The following EML6 variants were observed in gnomAD, a reference collection of about 807,000 sequenced individuals.
EML6 encodes the protein EMAP like 6.
A neutral mutation model predicts 240.1 loss-of-function variants in EML6; 154 were observed. The observed-to-expected ratio is 0.64, with a 90% CI of 0.56 to 0.73. The LOEUF (loss-of-function observed/expected upper bound fraction) is 0.73. EML6 is among the 30% of genes least tolerant of loss of function. EML6 has a pLI of 0.00. For missense variants in EML6, 2,964 were observed against 2,474.6 expected, an observed-to-expected ratio of 1.20 and a Z score of -4.20; for synonymous variants, 1,148 against 899.0, an observed-to-expected ratio of 1.28 and a Z score of -4.95.
chr2:54,841,496 T>G (rs141570629), intron 7 of EML6, among the ~76,000 whole-genome samples: 2 of 152,208 alleles, frequency 1.3e-5, no homozygotes, highest in East Asian at 3.9e-4. Context: ...GTGAAGTGAT[T>G]AAGATCAAGA....
At chr2:54,932,049 A>G (rs1674891357) in intron 28 of EML6, among the ~76,000 whole-genome samples, 1 of 152,230 alleles carries the variant, frequency 6.6e-6, no homozygotes, top group Non-Finnish European at 1.5e-5. Flanking sequence ...GCTTCTTTGC[A>G]CAATTGCTAA....
At chr2:54,824,303 C>T (rs1324893163) in intron 5 of EML6, among the ~76,000 whole-genome samples, 1 of 152,148 alleles carries the variant, frequency 6.6e-6, no homozygotes. Context: ...CAGACTTGGA[C>T]ATTTTTTCTA....
At chr2:54,908,370 C>G (rs746148327) in intron 24 of EML6, among the ~76,000 whole-genome samples, 2 of 151,906 alleles carry the variant, frequency 1.3e-5, no homozygotes, top group Non-Finnish European at 2.9e-5. Context: ...CCACCATGCC[C>G]GGCTAATTTT....
At chr2:54,874,502 C>A (rs75126386) in intron 16 of EML6, among the ~76,000 whole-genome samples, 2,612 of 152,200 alleles carry the variant, frequency 0.017, 74 homozygotes, top group African/African-American at 0.058. Context: ...GGGAAAGAGC[C>A]CATTTTTCAG....
At chr2:54,950,367 G>A (rs1437339569) in intron 29 of EML6, among the ~76,000 whole-genome samples, 2 of 152,204 alleles carry the variant, frequency 1.3e-5, no homozygotes, top group Non-Finnish European at 2.9e-5. Context: ...CAAATCTCTG[G>A]ACTTTGGCAC....
chr2:54,811,731 C>T (rs1457078021), intron 2 of EML6, among the ~76,000 whole-genome samples: 2 of 152,188 alleles, frequency 1.3e-5, no homozygotes, highest in Non-Finnish European at 2.9e-5. Context: ...GCAAACATGG[C>T]ATGCCATAAT....
At chr2:54,760,309 A>G (rs1383461679) in intron 2 of EML6, among the ~76,000 whole-genome samples, 1 of 151,570 alleles carries the variant, frequency 6.6e-6, no homozygotes, top group African/African-American at 2.4e-5. Flanking sequence ...TGAGTTTGGT[A>G]TATATTTTTC....
chr2:54,947,154 T>A (rs1019967836), intron 28 of EML6, among the ~76,000 whole-genome samples: 8 of 152,174 alleles, frequency 5.3e-5, no homozygotes, highest in Non-Finnish European at 1.0e-4. Context: ...AGCCCCTGGC[T>A]TGCTTTTGTC....
chr2:54,834,146 C>T (rs1367212083), intron 7 of EML6, among the ~76,000 whole-genome samples: 2 of 152,052 alleles, frequency 1.3e-5, no homozygotes, highest in Non-Finnish European at 2.9e-5. Context: ...TGTAAGGCGG[C>T]GGTGGCGGGG....
At chr2:54,817,551 T>A (rs1038064143) in intron 4 of EML6, among the ~76,000 whole-genome samples, 9 of 152,386 alleles carry the variant, frequency 5.9e-5, no homozygotes, top group Admixed American at 2.0e-4. Flanking sequence ...AGTGTTAATG[T>A]AGAATAGGCA....
At chr2:54,874,107 C>T (rs891163619) in intron 16 of EML6, among the ~76,000 whole-genome samples, 3 of 151,988 alleles carry the variant, frequency 2.0e-5, no homozygotes, top group Admixed American at 6.6e-5. Context: ...ATAATTAGCT[C>T]GTGTTATTTT....
intron 10 of EML6, among the ~76,000 whole-genome samples, chr2:54,850,637 A>G (rs995289132): frequency 1.3e-5 from 2 of 152,222 alleles, no homozygotes; most frequent in African/African-American, 4.8e-5. Flanking sequence ...ACTAGGAATC[A>G]GGGAAATGAT....
chr2:54,841,522 C>A (rs1669451463), intron 7 of EML6, among the ~76,000 whole-genome samples: 1 of 151,764 alleles, frequency 6.6e-6, no homozygotes, highest in Admixed American at 6.5e-5. Flanking sequence ...GTTAGGATGT[C>A]CGCGTACCCC....
In EML6 at chr2:54,957,899, C is replaced by A. The variant is rs775202113; in HGVS notation, c.4596C>A (p.Phe1532Leu). Residue 1532 changes from phenylalanine (F) to leucine (L), a missense_variant, in exon 33 of 42, where the codon TTC (phenylalanine) becomes TTA (leucine). By Grantham distance (22) the Phe-to-Leu change is conservative. Transcript: ENST00000356458. ...CTGTCGGGGTCAAACATATGAAGTTCTGGACCCTGGCAGGCAGCGCCTTGC... is the reference window on the plus strand; with the variant it reads ...CTGTCGGGGTCAAACATATGAAGTTATGGACCCTGGCAGGCAGCGCCTTGC... ...FVSVGVKHMK[F>L]WTLAGSALLY... 1 of 1,551,622 alleles carries A rather than the reference C, an allele frequency of 6.4e-7. No homozygotes were observed. Among genetic ancestry groups the A allele is most frequent in the Non-Finnish European group, 8.7e-7 (1 of 1,146,996 alleles).
At chr2:54,894,588 G>C (rs62134774) in intron 19 of EML6, among the ~76,000 whole-genome samples, 63 of 152,248 alleles carry the variant, frequency 4.1e-4, no homozygotes, top group Middle Eastern at 3.4e-3. Flanking sequence ...TTTGAGGCTG[G>C]TTCCATTCTG....
At chr2:54,856,079 G>A (rs1670359874) in intron 11 of EML6, among the ~76,000 whole-genome samples, 1 of 152,216 alleles carries the variant, frequency 6.6e-6, no homozygotes, top group African/African-American at 2.4e-5. Flanking sequence ...ACAATCAGTT[G>A]CACAGTAATT....
At chr2:54,811,169 C>G (rs956814507) in intron 2 of EML6, among the ~76,000 whole-genome samples, 1 of 152,142 alleles carries the variant, frequency 6.6e-6, no homozygotes, top group African/African-American at 2.4e-5. Flanking sequence ...CCTAACACCC[C>G]TCACAGATCT....
chr2:54,948,050 C>A (rs770482227), intron 28 of EML6, among the ~76,000 whole-genome samples: 5 of 152,178 alleles, frequency 3.3e-5, no homozygotes, highest in Non-Finnish European at 5.9e-5. Context: ...GGAGCAATAA[C>A]TAATTACTTT....
chr2:54,756,737 T>C (rs1667748870), intron 2 of EML6, among the ~76,000 whole-genome samples: 1 of 152,048 alleles, frequency 6.6e-6, no homozygotes, highest in Non-Finnish European at 1.5e-5. Context: ...ATACTCTGGG[T>C]CATTATTCCT....
Sources: allele counts gnomAD v4.1 joint callset (sites outside exome capture counted in the v4.1 genomes callset), GRCh38; gene constraint gnomAD v4.1.1; transcripts MANE v1.5; gene names NCBI Gene and HGNC (gene_info 2026-07-23, HGNC 2026-07-21).